MPDZ: variants seen among roughly 807,000 people sequenced by gnomAD.
The protein encoded by MPDZ is multiple PDZ domain crumbs cell polarity complex component.
Under a neutral mutation model 239.1 loss-of-function variants are expected in MPDZ, and 234 were observed. The ratio of observed to expected loss-of-function variants is 0.98; its 90% confidence interval spans 0.88 to 1.09. The LOEUF (loss-of-function observed/expected upper bound fraction) is 1.09, where lower values mean the gene tolerates loss of function less well. Among genes scored for constraint, MPDZ ranks in the 50% least tolerant of loss-of-function variants. MPDZ has a pLI of 0.00. For synonymous variants in MPDZ, 1,048 were observed against 881.3 expected, an observed-to-expected ratio of 1.19 and a Z score of -3.35; for missense variants, 3,175 against 2,510.0, an observed-to-expected ratio of 1.26 and a Z score of -5.66.
chr9:13,216,681 G>T, intron 10 of MPDZ, 93 bp downstream of exon 10: 1 of 875,770 alleles, frequency 1.1e-6, no homozygotes, highest in Non-Finnish European at 1.8e-6. Flanking sequence ...AATTAGTACA[G>T]AGTTAACTCT....
chr9:13,250,394 T>A (rs1467146856), intron 1 of MPDZ, 22 bp from the exon 2 acceptor site: 2 of 1,266,798 alleles, frequency 1.6e-6, no homozygotes, highest in Non-Finnish European at 2.2e-6. Flanking sequence ...AGAAATAGAA[T>A]GGTTATGTTT....
chr9:13,119,796 T>C, intron 38 of MPDZ, 147 bp from the exon 39 acceptor site: 2 of 790,124 alleles, frequency 2.5e-6, no homozygotes, highest in Non-Finnish European at 2.1e-6. Flanking sequence ...TGGGGCAACA[T>C]TAGAATTATA....
chr9:13,238,054 C>T (rs759000835), intron 3 of MPDZ, among the ~76,000 whole-genome samples: 4 of 152,082 alleles, frequency 2.6e-5, no homozygotes, highest in Non-Finnish European at 4.4e-5. Flanking sequence ...AGGCAGATAG[C>T]GAGGGTATAG....
At chr9:13,242,774 G>A (rs1050825016) in intron 3 of MPDZ, among the ~76,000 whole-genome samples, 2 of 152,074 alleles carry the variant, frequency 1.3e-5, no homozygotes, top group Admixed American at 6.5e-5. Context: ...CCATACCAGG[G>A]TTTCTCAACC....
chr9:13,182,336 T>G (rs189305737), intron 19 of MPDZ, among the ~76,000 whole-genome samples: 1 of 152,222 alleles, frequency 6.6e-6, no homozygotes, highest in East Asian at 1.9e-4. Context: ...ATTTAATAGA[T>G]ATAAACATTC....
At chr9:13,239,563 A>G (rs1292064620) in intron 3 of MPDZ, among the ~76,000 whole-genome samples, 1 of 152,180 alleles carries the variant, frequency 6.6e-6, no homozygotes, top group Non-Finnish European at 1.5e-5. Context: ...GGTCTCCAAA[A>G]TAACTTCAGT....
intron 1 of MPDZ, among the ~76,000 whole-genome samples, chr9:13,263,888 CAGTT>C (rs1182149020): frequency 1.3e-4 from 20 of 152,096 alleles, no homozygotes; most frequent in African/African-American, 2.2e-4. Flanking sequence ...ATAAAATGAA[CAGTT>C]AGTCACACAA....
chr9:13,147,470 C>T lies in MPDZ; in HGVS notation c.3741+78G>A, dbSNP rs558704899. On this transcript the variant is annotated intron_variant, in intron 26 of 46. Coordinates refer to ENST00000319217, the MANE Select transcript of MPDZ (RefSeq NM_001378778.1). ...AAATCACTATCTTTACTCATACAGA[C>T]AACTTGGCCCTTGATACATTAGATT... 5 of 1,057,932 alleles carry T rather than the reference C, an allele frequency of 4.7e-6. No individual in the cohort carries two copies. The South Asian group carries it at 6.5e-5, about 14-fold the overall frequency. The allele number at this position is 1,057,932 out of a possible 1,614,324, so 65.5% of individuals were successfully genotyped here. A position where few individuals can be genotyped will look rare whatever the true frequency, so the allele number is the denominator to read the frequency against.
intron 25 of MPDZ, 99 bp downstream of exon 25, chr9:13,150,412 T>C (rs908814465): frequency 5.3e-6 from 5 of 942,060 alleles, no homozygotes; most frequent in Non-Finnish European, 7.1e-6. Context: ...TTTTAGCACA[T>C]GTACCCTAAA....
rs181510105 is a variant in MPDZ, at chr9:13,247,560, C to G, written c.183+75G>C. On this transcript the variant is annotated intron_variant, in intron 3 of 46. Coordinates refer to ENST00000319217, the MANE Select transcript of MPDZ (RefSeq NM_001378778.1). ...TTCATTAACACATAGAAAAATCAGC[C>G]TTTCAGAAAAACACAAGCCTTTCAC... 6.1e-4 allele frequency: 913 copies of G among 1,499,570 alleles called. 1 individual carries two copies. The highest frequency in any genetic ancestry group is 6.5e-4 in the Non-Finnish European group (721 of 1,102,178). 92.9% of individuals were successfully genotyped at this position (1,499,570 alleles called of 1,614,324 possible).
At position 13,217,308 on chromosome 9, in the gene MPDZ, A is replaced by T. The variant is rs746136612; in HGVS notation, c.1087-14T>A. ...AGAAGCATCAACCTAAAATAAAATC[A>T]ATAAATATACAGTGAAATAATACGT... On this transcript the variant is annotated splice_polypyrimidine_tract_variant and intron_variant, in intron 8 of 46. Coordinates refer to ENST00000319217, the MANE Select transcript of MPDZ (RefSeq NM_001378778.1). The T allele has an allele frequency of 2.0e-6, 3 of 1,484,440 alleles. No individual in the cohort carries two copies. In the Admixed American group the frequency reaches 5.8e-5, roughly 29 times the overall value. 92.0% of individuals were successfully genotyped at this position (1,484,440 alleles called of 1,614,324 possible). A position where few individuals can be genotyped will look rare whatever the true frequency, so the allele number is the denominator to read the frequency against.
At chr9:13,249,605 C>A (rs1210858899) in intron 2 of MPDZ, among the ~76,000 whole-genome samples, 3 of 152,010 alleles carry the variant, frequency 2.0e-5, no homozygotes, top group African/African-American at 7.3e-5. Context: ...GATTAAGGTG[C>A]CAGAGTGAAA....
At chr9:13,256,082 C>T (rs771293036) in intron 1 of MPDZ, among the ~76,000 whole-genome samples, 4 of 152,198 alleles carry the variant, frequency 2.6e-5, no homozygotes, top group Non-Finnish European at 4.4e-5. Context: ...TGAGCACTTG[C>T]TGCTTCACCT....
At chr9:13,213,675 G>A (rs953698444) in intron 10 of MPDZ, among the ~76,000 whole-genome samples, 19 of 152,048 alleles carry the variant, frequency 1.2e-4, no homozygotes, top group African/African-American at 4.3e-4. Context: ...ATTGATGAGT[G>A]AAGTCAAGTG....
chr9:13,110,140 G>T, intron 44 of MPDZ, 76 bp from the exon 45 acceptor site: 1 of 932,182 alleles, frequency 1.1e-6, no homozygotes. Flanking sequence ...TTCAGAAAGA[G>T]CACTTGGATT....
chr9:13,178,661 T>A (rs1395974095), intron 19 of MPDZ, among the ~76,000 whole-genome samples: 18 of 152,208 alleles, frequency 1.2e-4, no homozygotes, highest in Admixed American at 1.2e-3. Context: ...GAGAAAACTA[T>A]CTTAATAGGC....
intron 14 of MPDZ, among the ~76,000 whole-genome samples, 173 bp downstream of exon 14, chr9:13,192,994 C>T (rs1443308166): frequency 6.6e-6 from 1 of 152,132 alleles, no homozygotes; most frequent in East Asian, 1.9e-4. Flanking sequence ...GCTAAATGTA[C>T]ACACAGATAC....
chr9:13,218,731 A>T (rs1025877055), intron 8 of MPDZ, among the ~76,000 whole-genome samples: 51 of 151,934 alleles, frequency 3.4e-4, no homozygotes, highest in Admixed American at 3.3e-3. Flanking sequence ...ATGGGAAAAG[A>T]ATATAGGACG....
chr9:13,149,110 G>T (rs538350411), intron 25 of MPDZ, among the ~76,000 whole-genome samples: 2 of 151,632 alleles, frequency 1.3e-5, no homozygotes, highest in Non-Finnish European at 2.9e-5. Context: ...AAAAGAGTTC[G>T]TTAAAAGGGG....
Sources: gnomAD v4.1 joint callset for allele counts (sites outside exome capture counted in the v4.1 genomes callset) on GRCh38, gnomAD v4.1.1 for gene constraint, MANE v1.5 for transcripts, NCBI Gene and HGNC (gene_info 2026-07-23, HGNC 2026-07-21) for gene names.